KCNH8: variants seen among roughly 807,000 people sequenced by gnomAD.
KCNH8 encodes potassium voltage-gated channel subfamily H member 8.
Under a neutral mutation model 103.6 loss-of-function variants are expected in KCNH8, and 70 were observed. The observed-to-expected ratio is 0.68, with a 90% confidence interval of 0.56 to 0.82. The LOEUF is 0.82. Ranked by LOEUF, KCNH8 falls within the 40% of genes least tolerant of loss-of-function variation. The probability of loss-of-function intolerance (pLI) is 0.00; values close to 1 mark genes in which losing one functional copy is unlikely to be tolerated. For synonymous variants in KCNH8, 498 were observed against 489.4 expected (o/e 1.02, Z -0.23); for missense variants, 1,217 against 1,329.9 (o/e 0.92, Z 1.32).
At chr3:19,373,654 T>G (rs1159507608) in intron 5 of KCNH8, among the ~76,000 whole-genome samples, 2 of 151,990 alleles carry the variant, frequency 1.3e-5, no homozygotes, top group African/African-American at 4.8e-5. Flanking sequence ...CTGCTAGCTT[T>G]TGAATGTGTT....
chr3:19,229,220 T>C (rs577420814), intron 1 of KCNH8, among the ~76,000 whole-genome samples: 223 of 152,334 alleles, frequency 1.5e-3, no homozygotes, highest in Non-Finnish European at 2.7e-3. Flanking sequence ...TCTCACAAAA[T>C]AGTTGAAGAT....
chr3:19,358,249 C>A (rs1412595387), intron 5 of KCNH8, among the ~76,000 whole-genome samples: 1 of 144,584 alleles, frequency 6.9e-6, no homozygotes, highest in East Asian at 2.0e-4. Context: ...TTCTTTCTTT[C>A]TTTCTCTCTC....
intron 7 of KCNH8, among the ~76,000 whole-genome samples, chr3:19,402,149 A>C (rs182707620): frequency 1.2e-4 from 19 of 152,132 alleles, no homozygotes; most frequent in Admixed American, 1.1e-3. Flanking sequence ...GAAATTCTGA[A>C]GAAATTGATT....
intron 3 of KCNH8, among the ~76,000 whole-genome samples, chr3:19,339,999 G>A (rs536544869): frequency 3.9e-5 from 6 of 152,196 alleles, no homozygotes; most frequent in South Asian, 2.1e-4. Context: ...TTCACATAAC[G>A]ACTCTACTCC....
chr3:19,294,485 A>G (rs1187768894), intron 3 of KCNH8, among the ~76,000 whole-genome samples: 1 of 152,194 alleles, frequency 6.6e-6, no homozygotes, highest in Non-Finnish European at 1.5e-5. Context: ...TTGATACTTT[A>G]TCCCAGGAAA....
chr3:19,467,948 ACTCC>A lies in KCNH8; in HGVS notation c.2040+10976_2040+10979del, dbSNP rs370278471. 4.5e-4 allele frequency among the ~76,000 whole-genome samples: 64 copies of A among 141,838 alleles called. 1 individual carries two copies. In the South Asian group the frequency reaches 0.013, roughly 29 times the overall value. The allele number at this position is 141,838 out of a possible 152,430, so 93.1% of individuals were successfully genotyped here. A position where few individuals can be genotyped will look rare whatever the true frequency, so the allele number is the denominator to read the frequency against. ...TAGGGAGGCAGGCTCCACCCACCTC[ACTCC>A]CTCCCTCCCCTCCTCCCCACCTCTG... On this transcript the variant is annotated intron_variant, in intron 11 of 15. Coordinates refer to ENST00000328405, the MANE Select transcript of KCNH8 (RefSeq NM_144633.3).
chr3:19,152,362 A>C (rs985369393), intron 1 of KCNH8, among the ~76,000 whole-genome samples: 6 of 152,202 alleles, frequency 3.9e-5, no homozygotes, highest in Non-Finnish European at 7.3e-5. Context: ...ACAGCTTTTT[A>C]AAAAAGATAC....
chr3:19,478,459 A>G (rs1301603028), intron 11 of KCNH8, among the ~76,000 whole-genome samples: 3 of 152,030 alleles, frequency 2.0e-5, no homozygotes, highest in African/African-American at 7.3e-5. Flanking sequence ...TTGACTTTTA[A>G]TAATAGCCAT....
At chr3:19,246,274 G>GTTTTTTTTTTT (rs920423108) in intron 1 of KCNH8, among the ~76,000 whole-genome samples, 7 of 86,342 alleles carry the variant, frequency 8.1e-5, no homozygotes, top group Non-Finnish European at 1.3e-4. Flanking sequence ...TGTTGTTGTT[G>GTTTTTTTTTTT]TTTTTTTTTT....
rs576867026 is a variant in KCNH8 at position 19,304,273 on chromosome 3, A to T, written c.442+22944A>T. On this transcript the variant is annotated intron_variant, in intron 3 of 15. Transcript: ENST00000328405. ...AGAACAAATACGACGCATTCCACAC[A>T]TGTGCTCAGACTTTCTATTCAGATT... 3.3e-5 allele frequency among the ~76,000 whole-genome samples: 5 copies of T among 152,306 alleles called. No individual in the cohort carries two copies. In the East Asian group the frequency reaches 9.7e-4, roughly 29 times the overall value.
chr3:19,169,493 G>A (rs567315199), intron 1 of KCNH8, among the ~76,000 whole-genome samples: 4 of 152,110 alleles, frequency 2.6e-5, no homozygotes, highest in Non-Finnish European at 4.4e-5. Context: ...TGATCTGCCC[G>A]CCTTGGCCTC....
At chr3:19,417,195 A>AAT (rs911870907) in intron 7 of KCNH8, among the ~76,000 whole-genome samples, 4 of 147,876 alleles carry the variant, frequency 2.7e-5, no homozygotes, top group South Asian at 4.2e-4. Context: ...ATTTTGGAAG[A>AAT]ATATATATAT....
At chr3:19,218,106 A>T (rs1438396410) in intron 1 of KCNH8, among the ~76,000 whole-genome samples, 1 of 152,200 alleles carries the variant, frequency 6.6e-6, no homozygotes, top group Non-Finnish European at 1.5e-5. Context: ...ATTCAAAGTA[A>T]TTCTACTCAG....
chr3:19,198,755 A>G (rs1044281897), intron 1 of KCNH8, among the ~76,000 whole-genome samples: 1 of 152,112 alleles, frequency 6.6e-6, no homozygotes, highest in Non-Finnish European at 1.5e-5. Flanking sequence ...TTCTTAACAC[A>G]AAGGAATGCA....
intron 5 of KCNH8, among the ~76,000 whole-genome samples, chr3:19,356,749 A>T (rs73182758): frequency 6.6e-6 from 1 of 151,892 alleles, no homozygotes; most frequent in Non-Finnish European, 1.5e-5. Context: ...TGGCAGACTC[A>T]GGCCTTCTGG....
At chr3:19,370,944 A>C (rs907118548) in intron 5 of KCNH8, among the ~76,000 whole-genome samples, 2 of 151,886 alleles carry the variant, frequency 1.3e-5, no homozygotes, top group African/African-American at 4.8e-5. Context: ...TGAACTCATC[A>C]TTTTTTATGG....
At position 19,518,006 on chromosome 3, in the gene KCNH8, A is replaced by G; in HGVS notation, c.2551A>G (p.Ile851Val). 6.2e-7 allele frequency: 1 copy of G among 1,612,014 alleles called. No individual in the cohort carries two copies. The highest frequency in any genetic ancestry group is 1.1e-5 in the South Asian group (1 of 91,036). Residue 851 changes from isoleucine (I) to valine (V), a missense_variant, in exon 15 of 16, where the codon ATT (isoleucine) becomes GTT (valine). Ile to Val is a conservative substitution (Grantham distance 29). Around this residue, in one of 3 missense-constraint regions of KCNH8, gnomAD observed 558 missense variants for 495.8 expected, o/e 1.13. Coordinates refer to ENST00000328405, the MANE Select transcript of KCNH8 (RefSeq NM_144633.3). ...TGTGTGTCACTTTTCAGATCCAGAG[A>G]TTGGAGCTGCTGTTCTCTTCATCAA... Reference protein sequence around the residue: ...RISPPLGDPEIGAAVLFIKAE... With the variant: ...RISPPLGDPEVGAAVLFIKAE...
At chr3:19,309,337 A>G (rs2065180626) in intron 3 of KCNH8, among the ~76,000 whole-genome samples, 1 of 151,968 alleles carries the variant, frequency 6.6e-6, no homozygotes, top group Non-Finnish European at 1.5e-5. Context: ...AACTGCCTGA[A>G]TATCAAACTT....
At chr3:19,324,673 A>G (rs2065396527) in intron 3 of KCNH8, among the ~76,000 whole-genome samples, 1 of 152,170 alleles carries the variant, frequency 6.6e-6, no homozygotes, top group South Asian at 2.1e-4. Context: ...AAACTACTAC[A>G]TGAAGAAATC....
Sources: gnomAD v4.1 joint callset for allele counts (sites outside exome capture counted in the v4.1 genomes callset) on GRCh38, gnomAD v4.1.1 for gene constraint, gnomAD v4.1.1 regional missense constraint, MANE v1.5 for transcripts, NCBI Gene and HGNC (gene_info 2026-07-23, HGNC 2026-07-21) for gene names.